The following RTTN variants were observed in gnomAD, a reference collection of about 807,000 sequenced individuals.
RTTN encodes rotatin.
A neutral mutation model predicts 269.2 loss-of-function variants in RTTN; 182 were observed. The observed-to-expected ratio is 0.68, with a 90% CI of 0.60 to 0.76. RTTN has a LOEUF of 0.76. Among genes scored for constraint, RTTN ranks in the 30% least tolerant of loss-of-function variants. RTTN has a pLI of 0.00. For synonymous variants in RTTN, 1,006 were observed against 963.5 expected (o/e 1.04, Z -0.82); for missense variants, 2,545 against 2,608.6 (o/e 0.98, Z 0.53).
Position 70,065,809 on chromosome 18 carries a change from T to A in RTTN, c.4747+20A>T. ...GTCATTTTTCTTTTTGAAGGTAGAA[T>A]GTCTTCACTAAAAGGATACCTTGAG... On this transcript the variant is annotated intron_variant, in intron 35 of 48. Coordinates refer to ENST00000640769, the MANE Select transcript of RTTN (RefSeq NM_173630.4). The A allele has an allele frequency of 6.6e-7, 1 of 1,508,094 alleles. No individual in the cohort carries two copies. Among genetic ancestry groups the A allele is most frequent in the Non-Finnish European group, 9.0e-7 (1 of 1,111,686 alleles). The allele number at this position is 1,508,094 out of a possible 1,614,324, so 93.4% of individuals were successfully genotyped here.
chr18:70,075,099 T>C (rs1217779471), intron 33 of RTTN: 3 of 286,102 alleles, frequency 1.0e-5, no homozygotes, highest in Admixed American at 1.1e-4. Flanking sequence ...AGAAAAATGC[T>C]TGCAGAATAT....
chr18:70,020,875 G>T lies in RTTN; in HGVS notation c.5951-58C>A, dbSNP rs1417939849. 7 of 1,418,206 alleles carry T rather than the reference G, an allele frequency of 4.9e-6. No homozygotes were observed. In the Admixed American group the frequency reaches 1.2e-4, roughly 23 times the overall value. 87.9% of individuals were successfully genotyped at this position (1,418,206 alleles called of 1,614,324 possible). ...TCAGTTTCCCTGTTTAGTTTTTGAAGACACTAAGTGGCAAAGCATATCTGT... is the reference window on the plus strand; with the variant it reads ...TCAGTTTCCCTGTTTAGTTTTTGAATACACTAAGTGGCAAAGCATATCTGT... On this transcript the variant is annotated intron_variant, in intron 44 of 48. Coordinates refer to ENST00000640769, the MANE Select transcript of RTTN (RefSeq NM_173630.4).
chr18:70,022,867 C>T (rs1425475076), intron 44 of RTTN, among the ~76,000 whole-genome samples: 1 of 151,978 alleles, frequency 6.6e-6, no homozygotes, highest in Non-Finnish European at 1.5e-5. Context: ...TGTTGATGTG[C>T]CTCAGAACTT....
chr18:70,003,232 T>C lies in RTTN; in HGVS notation c.*919A>G, dbSNP rs2056089475. 6.6e-6 allele frequency: 1 copy of C among 151,920 alleles called. No individual in the cohort carries two copies. The highest frequency in any genetic ancestry group is 1.5e-5 in the Non-Finnish European group (1 of 68,028). 9.4% of individuals were successfully genotyped at this position (151,920 alleles called of 1,614,324 possible). A position where few individuals can be genotyped will look rare whatever the true frequency, so the allele number is the denominator to read the frequency against. Reference sequence around the variant, plus strand: ...TTTTGTATTTTTAGGAGAGATGGGATTTCACCAAGTTGCCCAAGCTGGTCT... The same window carrying C: ...TTTTGTATTTTTAGGAGAGATGGGACTTCACCAAGTTGCCCAAGCTGGTCT... On this transcript the variant is annotated 3_prime_UTR_variant, in exon 49 of 49. Coordinates refer to ENST00000640769, the MANE Select transcript of RTTN (RefSeq NM_173630.4).
chr18:70,085,215 C>T (rs1324960174), intron 32 of RTTN, among the ~76,000 whole-genome samples: 1 of 152,102 alleles, frequency 6.6e-6, no homozygotes, highest in African/African-American at 2.4e-5. Context: ...CTGCATATTC[C>T]CTCCAGTTTT....
At chr18:70,033,932 C>A (rs1343435133) in intron 40 of RTTN, among the ~76,000 whole-genome samples, 1 of 152,108 alleles carries the variant, frequency 6.6e-6, no homozygotes, top group Non-Finnish European at 1.5e-5. Context: ...ATTATAAACA[C>A]TTCTATGCAC....
intron 20 of RTTN, 45 bp downstream of exon 20, chr18:70,140,054 AT>A: frequency 7.7e-7 from 1 of 1,296,950 alleles, no homozygotes; most frequent in Non-Finnish European, 1.1e-6. Context: ...GATCTGATTA[AT>A]CAAAACAGCC....
chr18:70,101,050 C>G (rs562158977), intron 28 of RTTN, among the ~76,000 whole-genome samples: 11 of 151,978 alleles, frequency 7.2e-5, no homozygotes, highest in South Asian at 2.1e-4. Context: ...TTTTTGTTGT[C>G]TCTCTGCCAG....
intron 32 of RTTN, among the ~76,000 whole-genome samples, chr18:70,085,074 T>C (rs547711478): frequency 6.6e-6 from 1 of 152,346 alleles, no homozygotes; most frequent in Admixed American, 6.5e-5. Context: ...AGTATATCCA[T>C]GTACATGGGT....
rs186533402 is a variant in RTTN at position 70,017,249 on chromosome 18, G to C, written c.6421+158C>G. ...GACTCCTGGAAGCCCACGGAAGGCT[G>C]AAGCCATGCCTGATTCATTCCCATG... is the stretch of plus-strand genomic sequence containing the variant. On this transcript the variant is annotated intron_variant, in intron 46 of 48. Coordinates refer to ENST00000640769, the MANE Select transcript of RTTN (RefSeq NM_173630.4). Among the ~76,000 whole-genome samples the C allele has an allele frequency of 5.6e-3, 853 of 152,284 alleles. 4 individuals are homozygous for C. Among genetic ancestry groups the C allele is most frequent in the African/African-American group, 0.02 (819 of 41,564 alleles).
rs2146208287 is a variant in RTTN at position 70,205,196 on chromosome 18, C to T, written c.151G>A (p.Glu51Lys). Residue 51 changes from glutamate to lysine, a missense_variant, in exon 2 of 49, where the codon GAA (glutamate) becomes AAA (lysine). Glu to Lys is a moderately conservative substitution (Grantham distance 56). Transcript: ENST00000640769. ...GGAACGGACGGGAAATTGAACCATT[C>T]CAGCAAATGAAGAAAAAGTTGCCTC... ...QERQLFLHLLEWFNFPSVPMK... is the reference protein window; with the variant it reads ...QERQLFLHLLKWFNFPSVPMK... 4 of 1,614,222 alleles carry T rather than the reference C, an allele frequency of 2.5e-6. No individual in the cohort carries two copies. Among genetic ancestry groups the T allele is most frequent in the South Asian group, 1.1e-5 (1 of 91,084 alleles).
At chr18:70,109,129 C>A (rs1214093226) in intron 28 of RTTN, among the ~76,000 whole-genome samples, 2 of 152,182 alleles carry the variant, frequency 1.3e-5, no homozygotes, top group African/African-American at 4.8e-5. Flanking sequence ...CCTGAGTATG[C>A]CGTATACAAA....
intron 37 of RTTN, among the ~76,000 whole-genome samples, chr18:70,055,147 T>C (rs1178993600): frequency 6.6e-6 from 1 of 152,222 alleles, no homozygotes; most frequent in Non-Finnish European, 1.5e-5. Context: ...AAGTATTAAC[T>C]GGCAAAAGTA....
intron 39 of RTTN, among the ~76,000 whole-genome samples, chr18:70,049,880 G>A (rs1292249482): frequency 2.0e-5 from 3 of 152,096 alleles, no homozygotes; most frequent in Non-Finnish European, 4.4e-5. Flanking sequence ...ATTCTGATGT[G>A]ATGAGAAAGT....
At chr18:70,084,429 C>A (rs1599448689) in intron 32 of RTTN, among the ~76,000 whole-genome samples, 1 of 152,090 alleles carries the variant, frequency 6.6e-6, no homozygotes, top group East Asian at 1.9e-4. Context: ...CTATGTGGCC[C>A]CTTTTTCATG....
intron 14 of RTTN, among the ~76,000 whole-genome samples, chr18:70,151,219 A>T (rs1568468935): frequency 1.4e-5 from 2 of 148,128 alleles, no homozygotes; most frequent in Non-Finnish European, 3.0e-5. Flanking sequence ...ATTATATATA[A>T]TTTTTTATGC....
In RTTN at chr18:70,199,814, T is replaced by C. The variant is rs1234152532; in HGVS notation, c.488-310A>G. Among the ~76,000 whole-genome samples the C allele has an allele frequency of 2.0e-5, 3 of 152,262 alleles. No homozygotes were observed. The East Asian group carries it at 5.8e-4, about 29-fold the overall frequency. On this transcript the variant is annotated intron_variant, in intron 4 of 48. Transcript: ENST00000640769. ...TAAATTTTCTATTTTACCCTGTGGC[T>C]GACCAGAACATCAAACTTAAATTCA...
intron 44 of RTTN, chr18:70,021,157 G>A (rs902555044): frequency 5.3e-6 from 1 of 188,148 alleles, no homozygotes; most frequent in African/African-American, 2.3e-5. Context: ...GAGATAACTT[G>A]TCTAATGCCT....
In RTTN at chr18:70,128,387, C is replaced by T; in HGVS notation, c.3114G>A (p.Lys1038=). ...SWYHGSDNLL[K]QMNSETKTQE... ...GCGTTTTAGTTTCAGAGTTCATTTG[C>T]TTCAACAGATTATCACTCCCATGAT... The change falls in exon 24 of 49, where the codon AAG becomes AAA. Residue 1038 remains lysine, a synonymous_variant. Transcript: ENST00000640769. 2 of 1,612,752 alleles carry T rather than the reference C, an allele frequency of 1.2e-6. No homozygotes were observed. Among genetic ancestry groups the T allele is most frequent in the South Asian group, 1.1e-5 (1 of 90,948 alleles).
Sources: gnomAD v4.1 joint callset for allele counts (sites outside exome capture counted in the v4.1 genomes callset) on GRCh38, gnomAD v4.1.1 for gene constraint, MANE v1.5 for transcripts, NCBI Gene and HGNC (gene_info 2026-07-23, HGNC 2026-07-21) for gene names.